KDM1A: variants seen among roughly 807,000 people sequenced by gnomAD.
KDM1A encodes the protein lysine-specific histone demethylase 1A.
KDM1A carries 49 observed loss-of-function variants against 109.4 expected under a neutral mutation model. The ratio of observed to expected loss-of-function variants is 0.45; its 90% CI spans 0.36 to 0.57. The LOEUF is 0.57. Among genes scored for constraint, KDM1A ranks in the 20% least tolerant of loss-of-function variants. KDM1A has a pLI of 0.00. For synonymous variants in KDM1A, 380 were observed against 415.4 expected (o/e 0.91, Z 1.04); for missense variants, 668 against 1,116.6 (o/e 0.60, Z 5.73).
In KDM1A at chr1:23,059,057, T is replaced by A; in HGVS notation, c.1073-16T>A. On this transcript the variant is annotated splice_polypyrimidine_tract_variant and intron_variant, in intron 8 of 20. Coordinates refer to ENST00000400181, the MANE Select transcript of KDM1A (RefSeq NM_001009999.3). ...TCATAGGTCTATTGAATTTAATTGC[T>A]TGAGTTTTTTTCTAGGAGGGAATCC... The A allele has an allele frequency of 6.4e-7, 1 of 1,574,188 alleles. No homozygotes were observed. The highest frequency in any genetic ancestry group is 8.6e-7 in the Non-Finnish European group (1 of 1,156,388).
At chr1:23,033,823 G>A (rs770786582) in intron 2 of KDM1A, among the ~76,000 whole-genome samples, 1 of 152,126 alleles carries the variant, frequency 6.6e-6, no homozygotes, top group Non-Finnish European at 1.5e-5. Context: ...GAGTGTCAGC[G>A]GTAGCCCTGA....
intron 12 of KDM1A, among the ~76,000 whole-genome samples, 180 bp downstream of exon 12, chr1:23,069,331 G>A (rs142936806): frequency 2.0e-5 from 3 of 152,160 alleles, no homozygotes; most frequent in Admixed American, 6.5e-5. Flanking sequence ...CAGTCTTTCA[G>A]TGTGGCATTA....
chr1:23,068,629 G>A lies in KDM1A; in HGVS notation c.1270G>A (p.Val424Ile). Reference protein sequence around the residue: ...SYLSHQLDFNVLNNKPVSLGQ... With the variant: ...SYLSHQLDFNILNNKPVSLGQ... ...CCTTAGTCATCAACTAGACTTCAAT[G>A]TCCTCAATAATAAGCCTGTGTCCCT... Residue 424 changes from valine (V) to isoleucine (I), a missense_variant, in exon 11 of 21, where the codon GTC (valine) becomes ATC (isoleucine). By Grantham distance (29) the Val-to-Ile change is conservative. Around this residue, in one of 8 missense-constraint regions of KDM1A, gnomAD observed 62 missense variants for 82.8 expected, o/e 0.75. Transcript: ENST00000400181. 6.2e-7 allele frequency: 1 copy of A among 1,604,478 alleles called. No individual in the cohort carries two copies. The highest frequency in any genetic ancestry group is 8.5e-7 in the Non-Finnish European group (1 of 1,177,908).
At position 23,019,683 on chromosome 1, in the gene KDM1A, C is replaced by G; in HGVS notation, c.87C>G (p.Gly29=). 1.5e-6 allele frequency: 2 copies of G among 1,360,822 alleles called. No individual in the cohort carries two copies. Among genetic ancestry groups the G allele is most frequent in the South Asian group, 1.8e-5 (1 of 54,596 alleles). 84.3% of individuals were successfully genotyped at this position (1,360,822 alleles called of 1,614,324 possible). ...CGGAGGCTGGCCCTGGGACAGCAGG[C>G]GGCTCCGAGAACGGGTCTGAGGTGG... The part of the protein sequence containing the change: ...TGTEAGPGTA[G]GSENGSEVAA... Residue 29 remains glycine, a synonymous_variant, in exon 1 of 21, where the codon GGC becomes GGG. Transcript: ENST00000400181.
At position 23,079,450 on chromosome 1, in the gene KDM1A, G is replaced by T; in HGVS notation, c.2056-103G>T. On this transcript the variant is annotated intron_variant, in intron 17 of 20. Transcript: ENST00000400181. This position sits in a 1 kb window ranked among gnomAD's most constrained non-coding sequence, Gnocchi z 5.6. ...GTCATCCTAAATAATAAGGATTGCT[G>T]GGCTTATTTTGAAAGCAGATTAGAA... 1.1e-6 allele frequency: 1 copy of T among 874,540 alleles called. No individual in the cohort carries two copies. 54.2% of individuals were successfully genotyped at this position (874,540 alleles called of 1,614,324 possible).
In KDM1A at chr1:23,059,273, G is replaced by GTA. The variant is rs142186679; in HGVS notation, c.1167+117_1167+118dup. 1,161 of 786,148 alleles carry GTA rather than the reference G, an allele frequency of 1.5e-3. 11 individuals are homozygous for GTA. The Admixed American group carries it at 0.018, about 12-fold the overall frequency. The allele number at this position is 786,148 out of a possible 1,614,324, so 48.7% of individuals were successfully genotyped here. ...TATACATATATACACATATAGAGGT[G>GTA]TATATATATATAAACTGAGGGTAGA... On this transcript the variant is annotated intron_variant, in intron 9 of 20. Transcript: ENST00000400181.
rs746357822 is a variant in KDM1A, at chr1:23,083,318, G to A, written c.2585G>A (p.Arg862His). The A allele has an allele frequency of 6.2e-6, 10 of 1,613,556 alleles. No individual in the cohort carries two copies. Among genetic ancestry groups the A allele is most frequent in the East Asian group, 2.2e-5 (1 of 44,870 alleles). The change falls in exon 21 of 21, where the codon CGC (arginine) becomes CAC (histidine). Residue 862 changes from arginine to histidine, a missense_variant. By Grantham distance (29) the Arg-to-His change is conservative. Transcript: ENST00000400181. ...QFLGAMYTLP[R>H]QATPGVPAQQ... ...TTGGGGGCCATGTATACGCTGCCTC[G>A]CCAGGCCACACCAGGTGTTCCTGCA...
At chr1:23,038,254 T>TGTG (rs1642207445) in intron 2 of KDM1A, among the ~76,000 whole-genome samples, 2 of 149,320 alleles carry the variant, frequency 1.3e-5, no homozygotes, top group African/African-American at 4.9e-5. Flanking sequence ...CTGGAACTGT[T>TGTG]TGTGTGTGTG....
chr1:23,055,999 A>G lies in KDM1A; in HGVS notation c.951A>G (p.Leu317=). ...CAGGCTTGGCAGCAGCTCGACAGTT[A>G]CAAAGTTTTGGAATGGATGTCACAC... ...GVSGLAAARQ[L]QSFGMDVTLL... is the part of the protein sequence containing the mutation. Residue 317 remains leucine, a synonymous_variant, in exon 7 of 21, where the codon TTA becomes TTG. Transcript: ENST00000400181. 6.2e-7 allele frequency: 1 copy of G among 1,613,198 alleles called. No homozygotes were observed. The highest frequency in any genetic ancestry group is 8.5e-7 in the Non-Finnish European group (1 of 1,179,410).
At chr1:23,061,580 G>A (rs1358902551) in intron 9 of KDM1A, among the ~76,000 whole-genome samples, 1 of 152,066 alleles carries the variant, frequency 6.6e-6, no homozygotes, top group Non-Finnish European at 1.5e-5. Flanking sequence ...CAAACATAAG[G>A]CATGCTAATA....
rs577211691 is a variant in KDM1A, at chr1:23,039,079, AGC to A, written c.518-5347_518-5346del. On this transcript the variant is annotated intron_variant, in intron 2 of 20. Transcript: ENST00000400181. ...ATTTATGACTGCTTCAAATTATCTG[AGC>A]CTATTATTACTTCCATGCTATTTTG... 2.7e-3 allele frequency among the ~76,000 whole-genome samples: 406 copies of A among 152,274 alleles called. 4 individuals carry two copies. The highest frequency in any genetic ancestry group is 9.0e-3 in the African/African-American group (376 of 41,548).
At chr1:23,041,236 A>G (rs762386489) in intron 2 of KDM1A, among the ~76,000 whole-genome samples, 10 of 152,176 alleles carry the variant, frequency 6.6e-5, no homozygotes, top group Non-Finnish European at 1.3e-4. Flanking sequence ...AATACTCTCA[A>G]GTATGATTGG....
chr1:23,055,808 ACT>A lies in KDM1A; in HGVS notation c.884-119_884-118del, dbSNP rs531641226. The stretch of plus-strand genomic sequence containing the variant: ...AGGTAGTTTCCATATTTTGAAAATA[ACT>A]CTCTGTATTTTTTACTTTGTAAGCT... On this transcript the variant is annotated intron_variant, in intron 6 of 20. Transcript: ENST00000400181. The A allele has an allele frequency of 4.3e-3, 1,955 of 458,160 alleles. 10 individuals are homozygous for A. Among genetic ancestry groups the A allele is most frequent in the Non-Finnish European group, 5.5e-3 (1,430 of 260,472 alleles). The allele number at this position is 458,160 out of a possible 1,614,324, so 28.4% of individuals were successfully genotyped here.
At chr1:23,043,967 C>T (rs1308834515) in intron 2 of KDM1A, among the ~76,000 whole-genome samples, 1 of 152,300 alleles carries the variant, frequency 6.6e-6, no homozygotes, top group Admixed American at 6.5e-5. Flanking sequence ...TTTAATTATA[C>T]TCCTTGCTTT....
intron 14 of KDM1A, among the ~76,000 whole-genome samples, chr1:23,072,673 C>G (rs1643353710): frequency 6.6e-6 from 1 of 152,130 alleles, no homozygotes; most frequent in African/African-American, 2.4e-5. Flanking sequence ...GAGATGGGAT[C>G]TCGCTCTTGT....
chr1:23,027,886 A>G (rs138979832), intron 1 of KDM1A, among the ~76,000 whole-genome samples: 1,981 of 152,280 alleles, frequency 0.013, 29 homozygotes, highest in African/African-American at 0.044. Context: ...GTTTTAACAC[A>G]TGAATGTGTA....
intron 15 of KDM1A, 50 bp from the exon 16 acceptor site, chr1:23,077,178 G>A (rs2124537874): frequency 6.3e-7 from 1 of 1,579,758 alleles, no homozygotes; most frequent in Non-Finnish European, 8.6e-7. Flanking sequence ...AGGTGCAAAT[G>A]ACACAGATTA....
chr1:23,030,629 C>A lies in KDM1A; in HGVS notation c.512C>A (p.Pro171Gln). The change falls in exon 2 of 21, where the codon CCA becomes CAA. Residue 171 changes from proline to glutamine, a missense_variant. Pro to Gln is a moderately conservative substitution (Grantham distance 76, BLOSUM62 -1). Around this residue, in one of 8 missense-constraint regions of KDM1A, gnomAD observed 149 missense variants for 189.7 expected, o/e 0.79. Transcript: ENST00000400181. ...EEENESEPEEPSGQAGGLQDD... is the reference protein window; with the variant it reads ...EEENESEPEEQSGQAGGLQDD... ...GAAAATGAAAGTGAGCCTGAAGAACCATCGGGTGAGTTGTAGTATCCAACC... is the reference window on the plus strand; with the variant it reads ...GAAAATGAAAGTGAGCCTGAAGAACAATCGGGTGAGTTGTAGTATCCAACC... The A allele has an allele frequency of 6.4e-7, 1 of 1,552,320 alleles. No individual in the cohort carries two copies. The highest frequency in any genetic ancestry group is 8.6e-7 in the Non-Finnish European group (1 of 1,156,722).
At chr1:23,035,297 G>C (rs1642110423) in intron 2 of KDM1A, among the ~76,000 whole-genome samples, 1 of 152,104 alleles carries the variant, frequency 6.6e-6, no homozygotes, top group South Asian at 2.1e-4. Context: ...CCGCCTCCCG[G>C]GTTCAAGCAA....
Sources: allele counts gnomAD v4.1 joint callset (sites outside exome capture counted in the v4.1 genomes callset), GRCh38; gene constraint gnomAD v4.1.1; regional missense constraint gnomAD v4.1.1; non-coding constraint Gnocchi (gnomAD v3.1); transcripts MANE v1.5; gene names NCBI Gene and HGNC (gene_info 2026-07-23, HGNC 2026-07-21).